The following RCN3 variants were observed in gnomAD, a reference collection of about 807,000 sequenced individuals.
RCN3 encodes the protein reticulocalbin 3.
A neutral mutation model predicts 35.9 loss-of-function variants in RCN3; 41 were observed. The ratio of observed to expected loss-of-function variants is 1.14; its 90% CI spans 0.89 to 1.48. RCN3 has a LOEUF of 1.48. Ranked by LOEUF, RCN3 falls within the 40% of genes most tolerant of loss-of-function variation. RCN3 has a pLI of 0.00. For synonymous variants in RCN3, 187 were observed against 193.4 expected (o/e 0.97, Z 0.27); for missense variants, 451 against 471.3 (o/e 0.96, Z 0.40).
At chr19:49,529,943 A>T (rs13343825) in intron 2 of RCN3, among the ~76,000 whole-genome samples, 1 of 135,900 alleles carries the variant, frequency 7.4e-6, no homozygotes, top group Admixed American at 7.9e-5. Context: ...TTTATTTTTT[A>T]TTTTTATTTT....
intron 5 of RCN3, 54 bp downstream of exon 5, chr19:49,539,233 A>T: frequency 6.7e-7 from 1 of 1,484,040 alleles, no homozygotes; most frequent in African/African-American, 1.4e-5. Context: ...AGGCATGGGC[A>T]GGGTTGGTGG....
At chr19:49,539,265 C>T in intron 5 of RCN3, 86 bp downstream of exon 5, 1 of 1,082,312 alleles carries the variant, frequency 9.2e-7, no homozygotes, top group East Asian at 2.4e-5. Flanking sequence ...GGTACATCAC[C>T]CATCATCAGA....
intron 3 of RCN3, among the ~76,000 whole-genome samples, chr19:49,536,632 A>T: frequency 7.4e-6 from 1 of 135,634 alleles, no homozygotes; most frequent in African/African-American, 2.8e-5. Flanking sequence ...TTTTTGAGAC[A>T]TAGCCTCCCT....
intron 2 of RCN3, among the ~76,000 whole-genome samples, chr19:49,532,100 C>CTTT (rs925920521): frequency 7.7e-4 from 72 of 93,062 alleles, no homozygotes; most frequent in Non-Finnish European, 9.6e-4. Flanking sequence ...GGCGCCTGGC[C>CTTT]TTTTTTTTTT....
At chr19:49,543,019 C>T in intron 6 of RCN3, 87 bp from the exon 7 acceptor site, 1 of 1,146,152 alleles carries the variant, frequency 8.7e-7, no homozygotes, top group Non-Finnish European at 1.3e-6. Context: ...ACAAGGGTCC[C>T]AGAGACTTCG....
intron 5 of RCN3, 94 bp from the exon 6 acceptor site, chr19:49,542,459 C>T (rs2122743281): frequency 1.2e-6 from 1 of 863,554 alleles, no homozygotes; most frequent in Non-Finnish European, 1.8e-6. Context: ...GCTCAAGGGC[C>T]TGGTTCAGGA....
In RCN3 at chr19:49,528,715, G is replaced by T; in HGVS notation, c.242+1G>T. ...CAGAGGAAAGCCAGGCCCGTCTGGG[G>T]TAAGAGAGACATTCGGTTGGGGCGT... On this transcript the variant is annotated splice_donor_variant, in intron 2 of 6. Transcript: ENST00000270645. LOFTEE classifies it high-confidence loss of function. The T allele has an allele frequency of 6.3e-7, 1 of 1,575,508 alleles. No homozygotes were observed. Among genetic ancestry groups the T allele is most frequent in the Non-Finnish European group, 8.6e-7 (1 of 1,159,142 alleles).
intron 1 of RCN3, 62 bp from the exon 2 acceptor site, chr19:49,528,405 T>A (rs1158814582): frequency 1.4e-6 from 2 of 1,419,502 alleles, no homozygotes; most frequent in African/African-American, 3.0e-5. Context: ...CCCGCCATTC[T>A]CCTATCCCGT....
chr19:49,529,635 TA>T (rs2080098688), intron 2 of RCN3, among the ~76,000 whole-genome samples: 1 of 152,024 alleles, frequency 6.6e-6, no homozygotes, highest in South Asian at 2.1e-4. Context: ...AAGAAGTCAA[TA>T]AGTAGAAAGT....
chr19:49,542,046 C>A (rs533922799), intron 5 of RCN3, among the ~76,000 whole-genome samples: 1 of 146,096 alleles, frequency 6.8e-6, no homozygotes, highest in East Asian at 2.0e-4. Context: ...GTAATCACAG[C>A]GAGACTCCAT....
At chr19:49,529,227 A>T (rs908743847) in intron 2 of RCN3, among the ~76,000 whole-genome samples, 1 of 152,140 alleles carries the variant, frequency 6.6e-6, no homozygotes, top group East Asian at 1.9e-4. Context: ...GGGCAGCAAA[A>T]TCTGGGTTAG....
At chr19:49,542,400 T>G (rs1301199845) in intron 5 of RCN3, among the ~76,000 whole-genome samples, 153 bp from the exon 6 acceptor site, 1 of 152,146 alleles carries the variant, frequency 6.6e-6, no homozygotes, top group Non-Finnish European at 1.5e-5. Context: ...TGTTACTAAT[T>G]CCATCGAAAC....
intron 2 of RCN3, among the ~76,000 whole-genome samples, chr19:49,533,844 A>G (rs1208166625): frequency 2.0e-5 from 3 of 151,996 alleles, no homozygotes; most frequent in African/African-American, 7.3e-5. Flanking sequence ...CCCCTTCACC[A>G]CCCCAGCTCG....
At position 49,531,601 on chromosome 19, in the gene RCN3, C is replaced by G. The variant is rs554774426; in HGVS notation, c.243-2592C>G. ...CCAGTGAGGAAGCGACTGCGATAGT[C>G]CAGGTGGAAGACAAGACAAGATGGT... On this transcript the variant is annotated intron_variant, in intron 2 of 6. Transcript: ENST00000270645. Among the ~76,000 whole-genome samples, 8 of 152,140 alleles carry G rather than the reference C, an allele frequency of 5.3e-5. No homozygotes were observed. In the South Asian group the frequency reaches 1.7e-3, roughly 32 times the overall value.
chr19:49,539,799 T>C (rs1178912348), intron 5 of RCN3, among the ~76,000 whole-genome samples: 2 of 150,598 alleles, frequency 1.3e-5, no homozygotes, highest in Non-Finnish European at 3.0e-5. Flanking sequence ...ATCGGCTCTC[T>C]GCAACCTCCG....
Position 49,534,374 on chromosome 19 carries a change from A to T in RCN3, c.424A>T (p.Thr142Ser). 6.5e-7 allele frequency: 1 copy of T among 1,537,156 alleles called. No individual in the cohort carries two copies. The highest frequency in any genetic ancestry group is 8.7e-7 in the Non-Finnish European group (1 of 1,143,636). ...GGGTTGGGAGGAGCTGCGCAACGCC[A>T]CCTATGGCCACTACGCGCCCGGTAC... ...RVGWEELRNA[T>S]YGHYAPGEEF... Residue 142 changes from threonine (T) to serine (S), a missense_variant, in exon 3 of 7, where the codon ACC (threonine) becomes TCC (serine). Thr to Ser is a moderately conservative substitution (Grantham distance 58). Coordinates refer to ENST00000270645, the MANE Select transcript of RCN3 (RefSeq NM_020650.3).
intron 4 of RCN3, among the ~76,000 whole-genome samples, chr19:49,538,166 T>G (rs1203949858): frequency 4.0e-5 from 6 of 149,110 alleles, no homozygotes; most frequent in African/African-American, 1.5e-4. Context: ...CTAATGTTTT[T>G]TTTTTTTTTT....
rs1302209967 is a variant in RCN3 at position 49,534,220 on chromosome 19, G to GGGGGAC, written c.273_278dup (p.Asp94_Gly95dup). 3 of 1,486,284 alleles carry GGGGGAC rather than the reference G, an allele frequency of 2.0e-6. No homozygotes were observed. Among genetic ancestry groups the GGGGGAC allele is most frequent in the African/African-American group, 2.9e-5 (2 of 68,560 alleles). 92.1% of individuals were successfully genotyped at this position (1,486,284 alleles called of 1,614,324 possible). Reference sequence around the variant, plus strand: ...GGATCGTGGACCGCATGGACCGCGCGGGGGACGGCGACGGCTGGGTGTCGC... The same window carrying GGGGGAC: ...GGATCGTGGACCGCATGGACCGCGCGGGGGACGGGGACGGCGACGGCTGGGTGTCGC... On this transcript the variant is annotated inframe_insertion, in exon 3 of 7. Transcript: ENST00000270645.
At chr19:49,528,301 C>T (rs1002056313) in intron 1 of RCN3, 166 bp from the exon 2 acceptor site, 3 of 602,024 alleles carry the variant, frequency 5.0e-6, no homozygotes, top group African/African-American at 1.9e-5. Context: ...CTCTAAGCAT[C>T]CCGCCCTCTT....
Sources: allele counts gnomAD v4.1 joint callset (sites outside exome capture counted in the v4.1 genomes callset), GRCh38; gene constraint gnomAD v4.1.1; transcripts MANE v1.5; gene names NCBI Gene and HGNC (gene_info 2026-07-23, HGNC 2026-07-21).